MARCHF1: variants seen among roughly 807,000 people sequenced by gnomAD.
The protein encoded by MARCHF1 is membrane associated ring-CH-type finger 1, also known as E3 ubiquitin-protein ligase MARCHF1.
A neutral mutation model predicts 54.2 loss-of-function variants in MARCHF1; 40 were observed. The observed-to-expected ratio is 0.74, with a 90% CI of 0.57 to 0.96. The LOEUF is 0.96. Among genes scored for constraint, MARCHF1 ranks in the 40% least tolerant of loss-of-function variants. The pLI, the probability that MARCHF1 is intolerant of heterozygous loss-of-function variation, is 0.00. For synonymous variants in MARCHF1, 236 were observed against 236.3 expected, an observed-to-expected ratio of 1.00 and a Z score of 0.01; for missense variants, 586 against 656.5, an observed-to-expected ratio of 0.89 and a Z score of 1.17.
At chr4:164,323,660 T>C (rs1429426927) in intron 1 of MARCHF1, among the ~76,000 whole-genome samples, 2 of 134,866 alleles carry the variant, frequency 1.5e-5, no homozygotes, top group Admixed American at 1.5e-4. Context: ...ACATCATTTA[T>C]AGAAGACATT....
intron 1 of MARCHF1, among the ~76,000 whole-genome samples, chr4:164,375,630 G>A (rs578249794): frequency 3.2e-4 from 48 of 152,152 alleles, no homozygotes; most frequent in Middle Eastern, 6.8e-3. Context: ...GCAAATAGAT[G>A]GTCTGTATTT....
intron 4 of MARCHF1, among the ~76,000 whole-genome samples, chr4:163,706,150 C>A (rs192532099): frequency 1.3e-5 from 2 of 152,062 alleles, no homozygotes; most frequent in Non-Finnish European, 2.9e-5. Flanking sequence ...TGAGATGTGA[C>A]CAGAACTAAC....
intron 4 of MARCHF1, among the ~76,000 whole-genome samples, chr4:163,829,721 CATTACTTTTGGCAATGCAA>C (rs150051250): frequency 0.029 from 4,434 of 152,262 alleles, 78 homozygotes; most frequent in East Asian, 0.074. Flanking sequence ...TTTCTGCCAG[CATTACTTTTGGCAATGCAA>C]ATGTATATTA....
intron 1 of MARCHF1, among the ~76,000 whole-genome samples, chr4:164,217,297 A>G (rs1277841171): frequency 1.3e-5 from 2 of 152,240 alleles, no homozygotes; most frequent in East Asian, 1.9e-4. Context: ...CCAACTGGAT[A>G]GGATACTTAT....
At chr4:164,176,964 C>CTATA (rs1730687463) in intron 1 of MARCHF1, among the ~76,000 whole-genome samples, 2 of 47,720 alleles carry the variant, frequency 4.2e-5, no homozygotes, top group African/African-American at 2.2e-4. Context: ...CTCTCTCTCT[C>CTATA]TCTCTCTCTC....
intron 3 of MARCHF1, among the ~76,000 whole-genome samples, chr4:163,929,663 G>C (rs1751613108): frequency 6.6e-6 from 1 of 151,220 alleles, no homozygotes; most frequent in Non-Finnish European, 1.5e-5. Flanking sequence ...TAGGTAAATT[G>C]TATGACAGTA....
rs182922193 is a variant in MARCHF1 at position 164,221,197 on chromosome 4, C to T, written c.-322-109535G>A. On this transcript the variant is annotated intron_variant, in intron 1 of 9. Coordinates refer to ENST00000514618, the MANE Select transcript of MARCHF1 (RefSeq NM_001394959.1). ...AAGGGCATCACTTCTACAGTGAAAC[C>T]ATTCTTGAGAACATGTGGGAAGTAA... Among the ~76,000 whole-genome samples the T allele has an allele frequency of 4.7e-4, 71 of 152,092 alleles. 1 individual carries two copies. Among genetic ancestry groups the T allele is most frequent in the African/African-American group, 1.7e-3 (69 of 41,520 alleles).
At chr4:163,570,709 G>A (rs1345708032) in intron 8 of MARCHF1, among the ~76,000 whole-genome samples, 1 of 152,040 alleles carries the variant, frequency 6.6e-6, no homozygotes, top group Non-Finnish European at 1.5e-5. Context: ...ATTTGAATTA[G>A]TTACTATTAT....
At chr4:163,998,377 A>C (rs1753120653) in intron 2 of MARCHF1, among the ~76,000 whole-genome samples, 3 of 151,532 alleles carry the variant, frequency 2.0e-5, no homozygotes, top group African/African-American at 7.3e-5. Context: ...ATTTTATATA[A>C]ATAGCATTAA....
intron 2 of MARCHF1, among the ~76,000 whole-genome samples, chr4:164,014,665 AC>A (rs1189207195): frequency 6.6e-6 from 1 of 152,170 alleles, no homozygotes; most frequent in African/African-American, 2.4e-5. Flanking sequence ...ACCTATAAAA[AC>A]ACATATAGAT....
At chr4:163,744,243 AC>A (rs1746293018) in intron 4 of MARCHF1, among the ~76,000 whole-genome samples, 1 of 152,112 alleles carries the variant, frequency 6.6e-6, no homozygotes. Flanking sequence ...GCATTTTCGA[AC>A]CAATTTTTTT....
chr4:164,247,757 CTG>C (rs1732998517), intron 1 of MARCHF1, among the ~76,000 whole-genome samples: 1 of 150,016 alleles, frequency 6.7e-6, no homozygotes, highest in Admixed American at 6.7e-5. Context: ...CTAAAGGTAA[CTG>C]AGATCTTATC....
At chr4:164,239,359 T>C (rs1434238418) in intron 1 of MARCHF1, among the ~76,000 whole-genome samples, 1 of 152,108 alleles carries the variant, frequency 6.6e-6, no homozygotes, top group Non-Finnish European at 1.5e-5. Flanking sequence ...CCTACCTGTA[T>C]GGCAGACACT....
intron 4 of MARCHF1, among the ~76,000 whole-genome samples, chr4:163,842,743 A>G (rs987920756): frequency 1.3e-5 from 2 of 152,204 alleles, no homozygotes; most frequent in Non-Finnish European, 1.5e-5. Flanking sequence ...TGTTTTGTAA[A>G]GTGAGTGAAT....
chr4:163,990,420 C>T (rs573360696), intron 2 of MARCHF1, among the ~76,000 whole-genome samples: 10 of 152,018 alleles, frequency 6.6e-5, no homozygotes, highest in Admixed American at 2.0e-4. Flanking sequence ...CAGTGCATCA[C>T]GAAAATAACC....
At chr4:164,316,775 G>C (rs188005998) in intron 1 of MARCHF1, among the ~76,000 whole-genome samples, 37 of 152,290 alleles carry the variant, frequency 2.4e-4, no homozygotes, top group African/African-American at 7.7e-4. Flanking sequence ...TGGAACATGG[G>C]GGGTGGATTC....
intron 1 of MARCHF1, among the ~76,000 whole-genome samples, chr4:164,201,745 G>A (rs928479722): frequency 1.3e-5 from 2 of 152,196 alleles, no homozygotes; most frequent in Non-Finnish European, 2.9e-5. Context: ...TCTCAATGGG[G>A]AAGAATAGGG....
At chr4:164,342,749 GTATGTGTA>G (rs1729966702) in intron 1 of MARCHF1, among the ~76,000 whole-genome samples, 1 of 151,914 alleles carries the variant, frequency 6.6e-6, no homozygotes, top group Non-Finnish European at 1.5e-5. Flanking sequence ...AGAAAATACG[GTATGTGTA>G]TATACGCAAA....
At chr4:164,124,159 C>T (rs1044897552) in intron 1 of MARCHF1, among the ~76,000 whole-genome samples, 4 of 147,800 alleles carry the variant, frequency 2.7e-5, no homozygotes, top group African/African-American at 1.1e-4. Flanking sequence ...AAGCGCTCAA[C>T]ATCACTGATC....
Sources: gnomAD v4.1 joint callset for allele counts (sites outside exome capture counted in the v4.1 genomes callset) on GRCh38, gnomAD v4.1.1 for gene constraint, MANE v1.5 for transcripts, NCBI Gene and HGNC (gene_info 2026-07-23, HGNC 2026-07-21) for gene names.